Variants in ZSCAN31 observed in about 807,000 individuals in gnomAD.
ZSCAN31 encodes the protein zinc finger and SCAN domain-containing protein 31.
Under a neutral mutation model 22.5 loss-of-function variants are expected in ZSCAN31, and 14 were observed. That is an observed-to-expected ratio of 0.62 (90% CI 0.41 to 0.97). The LOEUF (loss-of-function observed/expected upper bound fraction) is 0.97. Among genes scored for constraint, ZSCAN31 ranks in the 50% least tolerant of loss-of-function variants. The pLI is 0.00. For synonymous variants in ZSCAN31, 168 were observed against 169.8 expected (o/e 0.99, Z 0.08); for missense variants, 424 against 483.4 (o/e 0.88, Z 1.15).
chr6:28,331,551 A>C lies in ZSCAN31; in HGVS notation c.-95-1773T>G, dbSNP rs1402801348. On this transcript the variant is annotated intron_variant, in intron 1 of 3. Coordinates refer to ENST00000344279, the MANE Select transcript of ZSCAN31 (RefSeq NM_030899.5). This position sits in a 1 kb window ranked among gnomAD's most constrained non-coding sequence, Gnocchi z 4.8. The stretch of plus-strand genomic sequence containing the variant: ...CAGAATTGAGAATTTGAAGAGTTAC[A>C]AAGATCATGGCATTTATTCTTTGTC... Among the ~76,000 whole-genome samples the C allele has an allele frequency of 1.3e-5, 2 of 152,240 alleles. No homozygotes were observed. The highest frequency in any genetic ancestry group is 3.8e-4 in the East Asian group (2 of 5,200).
At chr6:28,354,490 C>T (rs1420054826), upstream of ZSCAN31, among the ~76,000 whole-genome samples, 1 of 152,036 alleles carries the variant, frequency 6.6e-6, no homozygotes, top group African/African-American at 2.4e-5. Context: ...ACTTTGGGCA[C>T]CCAGGGCTGA....
chr6:28,326,796 T>C lies in ZSCAN31; in HGVS notation c.591A>G (p.Glu197=), dbSNP rs2113782942. The C allele has an allele frequency of 6.2e-7, 1 of 1,613,530 alleles. No homozygotes were observed. The highest frequency in any genetic ancestry group is 2.2e-5 in the East Asian group (1 of 44,888). Residue 197 remains glutamate, a synonymous_variant, in exon 4 of 4, where the codon GAA becomes GAG. Transcript: ENST00000344279. ...ELASKQEILK[E]MEHLGDSKLQ... ...GTTTGCTATCCCCCAAATGTTCCAT[T>C]TCTTTTAAGATTTCTTGCTTTGATG...
intron 2 of ZSCAN31, among the ~76,000 whole-genome samples, chr6:28,346,663 G>A: frequency 6.6e-6 from 1 of 151,964 alleles, no homozygotes; most frequent in East Asian, 1.9e-4. Flanking sequence ...AGCCTCCTTG[G>A]TACAGTCTTT....
upstream of ZSCAN31, chr6:28,354,329 T>C (rs2113901816): frequency 4.5e-6 from 1 of 221,586 alleles, no homozygotes; most frequent in Middle Eastern, 1.9e-3. Context: ...CCAAACTCGC[T>C]GAGTCACGCT....
At chr6:28,340,504 T>G (rs1442454482), upstream of ZSCAN31, among the ~76,000 whole-genome samples, 1 of 152,246 alleles carries the variant, frequency 6.6e-6, no homozygotes, top group Non-Finnish European at 1.5e-5. Context: ...TGCTGCCATG[T>G]GAAGAAGAAC....
chr6:28,339,271 C>A, upstream of ZSCAN31, among the ~76,000 whole-genome samples: 1 of 151,976 alleles, frequency 6.6e-6, no homozygotes, highest in East Asian at 1.9e-4. Context: ...ATCTTTATTT[C>A]TTTTGTTTCT....
chr6:28,339,490 G>A (rs1360665191), upstream of ZSCAN31, among the ~76,000 whole-genome samples: 2 of 151,908 alleles, frequency 1.3e-5, no homozygotes, highest in African/African-American at 4.8e-5. Context: ...GTTTCGCCGT[G>A]TTGGCCAGGC....
chr6:28,342,938 A>G (rs951904775), intron 2 of ZSCAN31, among the ~76,000 whole-genome samples: 2 of 152,338 alleles, frequency 1.3e-5, no homozygotes, highest in East Asian at 3.9e-4. Flanking sequence ...TTATTTAGTT[A>G]GATATATATT....
In ZSCAN31 at chr6:28,329,626, T is replaced by C. The variant is rs769845663; in HGVS notation, c.58A>G (p.Ile20Val). ...LKIVKVEEDPIWDQETHLRGN... is the reference protein window; with the variant it reads ...LKIVKVEEDPVWDQETHLRGN... ...CGAAGGTGGGTTTCTTGGTCCCAGATAGGGTCTTCCTCCACTTTCACAATC... is the reference window on the plus strand; with the variant it reads ...CGAAGGTGGGTTTCTTGGTCCCAGACAGGGTCTTCCTCCACTTTCACAATC... Residue 20 changes from isoleucine to valine, a missense_variant, in exon 2 of 4, where the codon ATC becomes GTC. Transcript: ENST00000344279. 1.9e-6 allele frequency: 3 copies of C among 1,614,222 alleles called. No individual in the cohort carries two copies. The East Asian group carries it at 6.7e-5, about 36-fold the overall frequency.
At chr6:28,344,509 T>C (rs1382037249) in intron 2 of ZSCAN31, among the ~76,000 whole-genome samples, 2 of 152,176 alleles carry the variant, frequency 1.3e-5, no homozygotes, top group African/African-American at 4.8e-5. Context: ...TTTGAGCTCA[T>C]CCCTGTGACT....
chr6:28,334,324 A>G (rs573295465), intron 1 of ZSCAN31, among the ~76,000 whole-genome samples: 6 of 152,360 alleles, frequency 3.9e-5, no homozygotes, highest in African/African-American at 1.4e-4. Flanking sequence ...ACATATATTT[A>G]CTAAGTGTTT....
Position 28,332,572 on chromosome 6 carries a change from T to C in ZSCAN31, c.-95-2794A>G, listed in dbSNP as rs190392271. On this transcript the variant is annotated intron_variant, in intron 1 of 3. Transcript: ENST00000344279. ...AAAGCTTAGCGCAGTACCTGGCCCA[T>C]AGCAATCATTACATAAATATCAATG... Among the ~76,000 whole-genome samples the C allele has an allele frequency of 1.7e-4, 26 of 152,356 alleles. No individual in the cohort carries two copies. In the East Asian group the frequency reaches 4.0e-3, roughly 24 times the overall value.
At chr6:28,343,990 A>G (rs903976384) in intron 2 of ZSCAN31, among the ~76,000 whole-genome samples, 2 of 152,156 alleles carry the variant, frequency 1.3e-5, no homozygotes, top group Non-Finnish European at 2.9e-5. Flanking sequence ...CCCAGGGGCT[A>G]TGTTATCTCT....
At chr6:28,326,970 G>C (rs1181494469) in intron 3 of ZSCAN31, 116 bp from the exon 4 acceptor site, 1 of 1,040,804 alleles carries the variant, frequency 9.6e-7, no homozygotes, top group Non-Finnish European at 1.4e-6. Flanking sequence ...ATGAAGAACT[G>C]TCAGTTAAGG....
chr6:28,343,603 G>A (rs1408708871), intron 2 of ZSCAN31, among the ~76,000 whole-genome samples: 12 of 139,044 alleles, frequency 8.6e-5, no homozygotes, highest in Admixed American at 7.8e-4. Flanking sequence ...GAGTGCAGTC[G>A]CGGGATCTCG....
intron 2 of ZSCAN31, among the ~76,000 whole-genome samples, chr6:28,345,867 A>G (rs1184169993): frequency 2.0e-5 from 3 of 152,156 alleles, no homozygotes; most frequent in Non-Finnish European, 4.4e-5. Flanking sequence ...ACCCTGAAAC[A>G]ATGGGGTGTC....
chr6:28,327,993 G>A (rs1350617997), intron 2 of ZSCAN31, among the ~76,000 whole-genome samples: 1 of 152,218 alleles, frequency 6.6e-6, no homozygotes, highest in Admixed American at 6.5e-5. Context: ...TCACATGTCA[G>A]TAGGTTCCGT....
rs1764712268 is a variant in ZSCAN31 at position 28,347,957 on chromosome 6, T to G, written c.-371+5905A>C. On this transcript the variant is annotated intron_variant, in intron 2 of 7. Transcript: ENST00000396838. This position sits in a 1 kb window ranked among gnomAD's most constrained non-coding sequence, Gnocchi z 5.2. Reference sequence around the variant, plus strand: ...AAAATGATTTAAAATTTGCCTTTATTTAATTGCTAATGATTAACTGTATAT... The same window carrying G: ...AAAATGATTTAAAATTTGCCTTTATGTAATTGCTAATGATTAACTGTATAT... Among the ~76,000 whole-genome samples the G allele has an allele frequency of 6.6e-6, 1 of 152,250 alleles. No homozygotes were observed. Among genetic ancestry groups the G allele is most frequent in the Admixed American group, 6.5e-5 (1 of 15,284 alleles).
intron 2 of ZSCAN31, among the ~76,000 whole-genome samples, chr6:28,342,545 G>A (rs1347346101): frequency 6.6e-6 from 1 of 152,176 alleles, no homozygotes; most frequent in Non-Finnish European, 1.5e-5. Flanking sequence ...TGTAGTGTCA[G>A]AACCTAGGAA....
Sources: gnomAD v4.1 joint callset for allele counts (sites outside exome capture counted in the v4.1 genomes callset) on GRCh38, gnomAD v4.1.1 for gene constraint, Gnocchi (gnomAD v3.1) non-coding constraint, MANE v1.5 for transcripts, NCBI Gene and HGNC (gene_info 2026-07-23, HGNC 2026-07-21) for gene names.